The following OARD1 variants were observed in gnomAD, a reference collection of about 807,000 sequenced individuals.
The protein encoded by OARD1 is ADP-ribose glycohydrolase OARD1.
OARD1 carries 19 observed loss-of-function variants against 19.7 expected under a neutral mutation model. The ratio of observed to expected loss-of-function variants is 0.96; its 90% confidence interval spans 0.67 to 1.41. OARD1 has a LOEUF of 1.41. OARD1 is among the 40% of genes most tolerant of loss of function. OARD1 has a pLI of 0.00. For missense variants in OARD1, 190 were observed against 183.8 expected, an observed-to-expected ratio of 1.03 and a Z score of -0.20; for synonymous variants, 70 against 61.8, an observed-to-expected ratio of 1.13 and a Z score of -0.62.
At chr6:41,089,085 G>T (rs928302796) in intron 1 of OARD1, among the ~76,000 whole-genome samples, 3 of 152,112 alleles carry the variant, frequency 2.0e-5, no homozygotes, top group African/African-American at 7.2e-5. Flanking sequence ...TCCGGTTCAA[G>T]TGATTTTCCG....
chr6:41,093,094 A>G, intron 1 of OARD1: 1 of 1,612,486 alleles, frequency 6.2e-7, no homozygotes, highest in Non-Finnish European at 8.5e-7. Flanking sequence ...GGGTATGTAT[A>G]ACATTGGGAA....
chr6:41,078,470 C>T (rs1561850179), intron 1 of OARD1, among the ~76,000 whole-genome samples: 1 of 138,652 alleles, frequency 7.2e-6, no homozygotes, highest in African/African-American at 2.9e-5. Flanking sequence ...GATGAATTGC[C>T]GATTGCTAAC....
intron 1 of OARD1, chr6:41,091,586 G>C (rs1332683674): frequency 6.2e-7 from 1 of 1,614,096 alleles, no homozygotes; most frequent in Non-Finnish European, 8.5e-7. Context: ...CAGGAGCACA[G>C]ATTGTTCAAA....
At chr6:41,090,896 T>C (rs980675273) in intron 1 of OARD1, among the ~76,000 whole-genome samples, 1 of 152,222 alleles carries the variant, frequency 6.6e-6, no homozygotes, top group African/African-American at 2.4e-5. Flanking sequence ...AGTCAAATAG[T>C]TAAATCAAAA....
chr6:41,097,460 A>G (rs759847167), intron 1 of OARD1: 1 of 1,585,520 alleles, frequency 6.3e-7, no homozygotes, highest in Non-Finnish European at 8.7e-7. Flanking sequence ...TCACTGTTCC[A>G]GGAAATTGAT....
chr6:41,067,740 A>G (rs760435749), intron 5 of OARD1, among the ~76,000 whole-genome samples: 9 of 152,244 alleles, frequency 5.9e-5, no homozygotes, highest in Non-Finnish European at 1.2e-4. Context: ...TTATCCCTCT[A>G]TGACTACTGA....
At chr6:41,091,516 G>T in intron 1 of OARD1, 1 of 1,612,126 alleles carries the variant, frequency 6.2e-7, no homozygotes, top group Non-Finnish European at 8.5e-7. Context: ...TTTATGTTTT[G>T]TTTTCTTAAA....
At chr6:41,089,111 G>A (rs1764127928) in intron 1 of OARD1, among the ~76,000 whole-genome samples, 1 of 152,066 alleles carries the variant, frequency 6.6e-6, no homozygotes, top group Non-Finnish European at 1.5e-5. Flanking sequence ...AGTCTCCCAA[G>A]TAGCTGGGAT....
chr6:41,088,246 G>A (rs568978682), intron 1 of OARD1, among the ~76,000 whole-genome samples: 7 of 151,522 alleles, frequency 4.6e-5, no homozygotes, highest in South Asian at 2.1e-4. Flanking sequence ...GTGAAACCCC[G>A]TCTCTACTAA....
At chr6:41,092,375 AAAAT>A (rs1476118524) in intron 1 of OARD1, among the ~76,000 whole-genome samples, 1 of 152,236 alleles carries the variant, frequency 6.6e-6, no homozygotes, top group African/African-American at 2.4e-5. Context: ...AATTGAATGA[AAAAT>A]AAATAATTTT....
chr6:41,091,174 A>T (rs9296353), intron 1 of OARD1, among the ~76,000 whole-genome samples: 33,112 of 152,138 alleles, frequency 0.22, 5,321 homozygotes, highest in African/African-American at 0.45. Context: ...ATAAGTTTTA[A>T]AATCTCTGTC....
At chr6:41,089,455 G>T in intron 1 of OARD1, 1 of 1,083,206 alleles carries the variant, frequency 9.2e-7, no homozygotes, top group Non-Finnish European at 1.3e-6. Flanking sequence ...GGAGGGCAGA[G>T]CAGGACTTCT....
intron 1 of OARD1, among the ~76,000 whole-genome samples, chr6:41,083,747 T>G (rs1311642235): frequency 6.6e-6 from 1 of 152,212 alleles, no homozygotes; most frequent in African/African-American, 2.4e-5. Context: ...CCATTATGAT[T>G]AAATGTTTGT....
intron 1 of OARD1, chr6:41,093,099 T>A (rs1469785910): frequency 5.0e-6 from 8 of 1,611,672 alleles, no homozygotes; most frequent in Non-Finnish European, 5.9e-6. Context: ...TGTATAACAT[T>A]GGGAAGGATA....
At chr6:41,072,759 G>A (rs1233108712), upstream of OARD1, 1 of 152,886 alleles carries the variant, frequency 6.5e-6, no homozygotes, top group East Asian at 1.9e-4. Context: ...TGAGTTGAAG[G>A]GTCTGGCGCG....
At chr6:41,072,810 T>TC (rs1250984022), upstream of OARD1, 1 of 152,974 alleles carries the variant, frequency 6.5e-6, no homozygotes, top group East Asian at 1.9e-4. Flanking sequence ...GGGGGTGGTG[T>TC]CAAAGCGGGA....
intron 3 of OARD1, 150 bp downstream of exon 3, chr6:41,070,982 G>A (rs186384254): frequency 1.7e-5 from 13 of 774,082 alleles, no homozygotes; most frequent in East Asian, 1.1e-4. Flanking sequence ...TATGGTAAAC[G>A]TCTAAACTAG....
At chr6:41,095,385 A>G (rs1016063625) in intron 1 of OARD1, among the ~76,000 whole-genome samples, 1 of 152,140 alleles carries the variant, frequency 6.6e-6, no homozygotes, top group African/African-American at 2.4e-5. Context: ...ATGCATGTCT[A>G]TCTCCCTATC....
upstream of OARD1, among the ~76,000 whole-genome samples, chr6:41,074,643 G>A (rs549769282): frequency 6.6e-6 from 1 of 152,314 alleles, no homozygotes; most frequent in East Asian, 1.9e-4. Context: ...TAGGGAAGTG[G>A]GCAGTAGTTG....
Sources: gnomAD v4.1 joint callset for allele counts (sites outside exome capture counted in the v4.1 genomes callset) on GRCh38, gnomAD v4.1.1 for gene constraint, MANE v1.5 for transcripts, NCBI Gene and HGNC (gene_info 2026-07-23, HGNC 2026-07-21) for gene names.